The following GSK3B variants were observed in gnomAD, a reference collection of about 807,000 sequenced individuals.
GSK3B encodes glycogen synthase kinase-3 beta.
In GSK3B, 15 loss-of-function variants were observed where a neutral mutation model predicts 56.4. That is an observed-to-expected ratio of 0.27 (90% CI 0.18 to 0.41). GSK3B has a LOEUF of 0.41. GSK3B is among the 10% of genes least tolerant of loss of function. The pLI, the probability that GSK3B is intolerant of heterozygous loss-of-function variation, is 1.00. For missense variants in GSK3B, 300 were observed against 513.4 expected (o/e 0.58, Z 4.02); for synonymous variants, 181 against 188.9 (o/e 0.96, Z 0.34).
chr3:119,911,426 G>C (rs1317818448), intron 6 of GSK3B, among the ~76,000 whole-genome samples: 2 of 151,944 alleles, frequency 1.3e-5, no homozygotes, highest in Non-Finnish European at 2.9e-5. Flanking sequence ...AATGGTAAAT[G>C]AGCAGTGGCT....
At position 119,961,328 on chromosome 3, in the gene GSK3B, A is replaced by G. The variant is rs558071783; in HGVS notation, c.283-13977T>C. 5.9e-5 allele frequency among the ~76,000 whole-genome samples: 9 copies of G among 152,260 alleles called. No individual in the cohort carries two copies. The East Asian group carries it at 1.7e-3, about 29-fold the overall frequency. The stretch of plus-strand genomic sequence containing the variant: ...TCTCTTCCTCATTGTTGGTGCATTA[A>G]AAGTGATGAGAAAAACAGGCTGGGC... On this transcript the variant is annotated intron_variant, in intron 2 of 10. Coordinates refer to ENST00000264235, the MANE Select transcript of GSK3B (RefSeq NM_001146156.2).
At chr3:120,083,468 G>C (rs1188258358) in intron 1 of GSK3B, among the ~76,000 whole-genome samples, 1 of 152,008 alleles carries the variant, frequency 6.6e-6, no homozygotes, top group African/African-American at 2.4e-5. Context: ...GGTACATTTG[G>C]GGGGAAGAAT....
chr3:119,924,389 T>C (rs557894301), intron 3 of GSK3B, among the ~76,000 whole-genome samples: 38 of 152,326 alleles, frequency 2.5e-4, no homozygotes, highest in African/African-American at 9.1e-4. Context: ...AATCTCCCAA[T>C]TTGAAATAAT....
rs766379974 is a variant in GSK3B, at chr3:119,863,521, G to C, written c.994C>G (p.Leu332Val). ...EYTPTARLTPLEACAHSFFDE... is the reference protein window; with the variant it reads ...EYTPTARLTPVEACAHSFFDE... ...AAAAATGAATGTGCACAAGCTTCCA[G>C]TGGTGTTAGTCGGGCAGTTGGTGTA... Residue 332 changes from leucine to valine, a missense_variant, in exon 9 of 11, where the codon CTG becomes GTG. By Grantham distance (32) the Leu-to-Val change is conservative. Around this residue, in one of 6 missense-constraint regions of GSK3B, gnomAD observed 38 missense variants for 58.3 expected, o/e 0.65. Coordinates refer to ENST00000264235, the MANE Select transcript of GSK3B (RefSeq NM_001146156.2). The C allele has an allele frequency of 6.2e-7, 1 of 1,613,536 alleles. No individual in the cohort carries two copies. The highest frequency in any genetic ancestry group is 8.5e-7 in the Non-Finnish European group (1 of 1,179,412).
intron 1 of GSK3B, among the ~76,000 whole-genome samples, chr3:120,070,022 G>T (rs2058313520): frequency 6.6e-6 from 1 of 152,064 alleles, no homozygotes; most frequent in African/African-American, 2.4e-5. Context: ...AGACCATCCT[G>T]GCCAAAATGG....
chr3:120,059,515 A>C (rs1310054445), intron 1 of GSK3B, among the ~76,000 whole-genome samples: 3 of 152,212 alleles, frequency 2.0e-5, no homozygotes, highest in African/African-American at 7.2e-5. Flanking sequence ...CAAAAAAGCA[A>C]TCCTACAGCA....
chr3:120,002,248 A>G lies in GSK3B; in HGVS notation c.89-9T>C. 6.6e-7 allele frequency: 1 copy of G among 1,505,992 alleles called. No homozygotes were observed. Among genetic ancestry groups the G allele is most frequent in the Non-Finnish European group, 8.9e-7 (1 of 1,129,694 alleles). The allele number at this position is 1,505,992 out of a possible 1,614,324, so 93.3% of individuals were successfully genotyped here. A position where few individuals can be genotyped will look rare whatever the true frequency, so the allele number is the denominator to read the frequency against. ...GCTGCCGTCCTTGTCTCCTAAAGGA[A>G]GAAAGGAAATTTTTTTTTCACGAGA... On this transcript the variant is annotated splice_polypyrimidine_tract_variant and intron_variant, in intron 1 of 10. Coordinates refer to ENST00000264235, the MANE Select transcript of GSK3B (RefSeq NM_001146156.2).
intron 10 of GSK3B, among the ~76,000 whole-genome samples, chr3:119,829,034 C>T (rs2055560727): frequency 6.6e-6 from 1 of 152,192 alleles, no homozygotes; most frequent in Non-Finnish European, 1.5e-5. Context: ...TCTCCAAAGC[C>T]AGGCTGACCA....
intron 2 of GSK3B, among the ~76,000 whole-genome samples, chr3:119,962,375 C>CA (rs71156779): frequency 3.7e-4 from 45 of 120,438 alleles, no homozygotes; most frequent in African/African-American, 5.8e-4. Flanking sequence ...AACTCTGTCT[C>CA]AAAAAAAAAA....
intron 1 of GSK3B, chr3:120,084,771 C>T (rs1005010258): frequency 6.6e-6 from 1 of 152,154 alleles, no homozygotes. Context: ...TAACATTTTA[C>T]CTCTAATTGC....
intron 2 of GSK3B, among the ~76,000 whole-genome samples, chr3:119,991,510 C>CAAAAAA (rs61063108): frequency 2.5e-5 from 2 of 78,940 alleles, no homozygotes; most frequent in Non-Finnish European, 5.2e-5. Context: ...TACTATTCAC[C>CAAAAAA]AAAAAAAAAA....
chr3:119,975,965 C>G (rs553600795), intron 2 of GSK3B, among the ~76,000 whole-genome samples: 1 of 152,140 alleles, frequency 6.6e-6, no homozygotes, highest in South Asian at 2.1e-4. Context: ...CACCAATAAG[C>G]ACATGAAAAG....
At chr3:120,017,949 T>C (rs754091945) in intron 1 of GSK3B, among the ~76,000 whole-genome samples, 33 of 152,346 alleles carry the variant, frequency 2.2e-4, no homozygotes, top group East Asian at 1.2e-3. Context: ...CCTCGGACCC[T>C]GCAATCACCC....
chr3:120,068,296 C>G (rs537779726), intron 1 of GSK3B, among the ~76,000 whole-genome samples: 3 of 150,324 alleles, frequency 2.0e-5, no homozygotes, highest in South Asian at 4.2e-4. Context: ...GAGGCTGAGG[C>G]AGGAGAATAC....
At chr3:119,879,911 A>T (rs769694160) in intron 7 of GSK3B, among the ~76,000 whole-genome samples, 9 of 152,208 alleles carry the variant, frequency 5.9e-5, no homozygotes, top group Non-Finnish European at 1.3e-4. Context: ...GCTATTGTGA[A>T]GAGTGCTGCA....
intron 1 of GSK3B, among the ~76,000 whole-genome samples, chr3:120,086,801 C>CAA (rs756764948): frequency 2.4e-5 from 3 of 123,512 alleles, no homozygotes; most frequent in African/African-American, 3.0e-5. Flanking sequence ...ACCCTGTCTC[C>CAA]AAAAAAAAAA....
At chr3:119,913,807 T>C (rs1005164393) in intron 5 of GSK3B, among the ~76,000 whole-genome samples, 4 of 152,064 alleles carry the variant, frequency 2.6e-5, no homozygotes, top group Admixed American at 6.6e-5. Flanking sequence ...TCATCACTAG[T>C]TTTGAAGTTT....
At position 119,905,772 on chromosome 3, in the gene GSK3B, A is replaced by G; in HGVS notation, c.796T>C (p.Leu266=). 2 of 1,578,736 alleles carry G rather than the reference A, an allele frequency of 1.3e-6. No individual in the cohort carries two copies. Among genetic ancestry groups the G allele is most frequent in the Non-Finnish European group, 1.7e-6 (2 of 1,148,104 alleles). The change falls in exon 7 of 11, where the codon TTG becomes CTG. Residue 266 remains leucine (L), a synonymous_variant. Coordinates refer to ENST00000264235, the MANE Select transcript of GSK3B (RefSeq NM_001146156.2). The part of the protein sequence containing the change: ...IFPGDSGVDQ[L]VEIIKVLGTP... ...CTTCTCACCTTGATTATTTCTACCA[A>G]CTGATCCACACCACTATCCCCTGGA...
intron 9 of GSK3B, chr3:119,843,716 A>G (rs77278704): frequency 3.2e-4 from 50 of 158,026 alleles, no homozygotes; most frequent in Admixed American, 2.6e-3. Flanking sequence ...CTCCCACACA[A>G]TAACAGTGGG....
Sources: allele counts gnomAD v4.1 joint callset (sites outside exome capture counted in the v4.1 genomes callset), GRCh38; gene constraint gnomAD v4.1.1; regional missense constraint gnomAD v4.1.1; transcripts MANE v1.5; gene names NCBI Gene and HGNC (gene_info 2026-07-23, HGNC 2026-07-21).